ADGRV1: variants seen among roughly 807,000 people sequenced by gnomAD.
ADGRV1 encodes adhesion G protein-coupled receptor V1.
ADGRV1 carries 359 observed loss-of-function variants against 596.2 expected under a neutral mutation model. That is an observed-to-expected ratio of 0.60 (90% CI 0.55 to 0.66). The LOEUF (loss-of-function observed/expected upper bound fraction) is 0.66, where lower values mean the gene tolerates loss of function less well. ADGRV1 is among the 30% of genes least tolerant of loss of function. The pLI is 0.00. For synonymous variants in ADGRV1, 2,681 were observed against 2,679.2 expected (o/e 1.00, Z -0.02); for missense variants, 7,274 against 7,575.6 (o/e 0.96, Z 1.48).
At chr5:90,732,165 T>A (rs1345405114) in intron 50 of ADGRV1, among the ~76,000 whole-genome samples, 2 of 152,076 alleles carry the variant, frequency 1.3e-5, no homozygotes, top group African/African-American at 4.8e-5. Flanking sequence ...CATGCCCACA[T>A]AATTAAAAAA....
chr5:91,068,741 A>G (rs1285470571), intron 85 of ADGRV1, among the ~76,000 whole-genome samples: 1 of 152,114 alleles, frequency 6.6e-6, no homozygotes, highest in Non-Finnish European at 1.5e-5. Context: ...TGCTATTCCT[A>G]TCAAACTACC....
rs75691467 is a variant in ADGRV1 at position 91,040,663 on chromosome 5, T to C, written c.18153-31784T>C. 5.8e-3 allele frequency among the ~76,000 whole-genome samples: 887 copies of C among 152,318 alleles called. 7 individuals carry two copies. Among genetic ancestry groups the C allele is most frequent in the African/African-American group, 0.021 (857 of 41,562 alleles). On this transcript the variant is annotated intron_variant, in intron 85 of 89. Coordinates refer to ENST00000405460, the MANE Select transcript of ADGRV1 (RefSeq NM_032119.4). ...GTGTTTTCAGTGAATAGAAGCTAGA[T>C]GTGCTAAGTAAAAGATGATGACAAC... is the stretch of plus-strand genomic sequence containing the variant.
At chr5:90,578,856 A>G (rs1757587176) in intron 1 of ADGRV1, among the ~76,000 whole-genome samples, 1 of 152,036 alleles carries the variant, frequency 6.6e-6, no homozygotes, top group South Asian at 2.1e-4. Flanking sequence ...GTATGTGTCC[A>G]GGAATTTATC....
intron 87 of ADGRV1, among the ~76,000 whole-genome samples, chr5:91,122,822 G>C (rs1793439874): frequency 6.6e-6 from 1 of 152,160 alleles, no homozygotes; most frequent in Admixed American, 6.5e-5. Flanking sequence ...TCTCTAGCTT[G>C]TGTTCTTTTG....
At chr5:90,671,670 A>G (rs1772483343) in intron 21 of ADGRV1, among the ~76,000 whole-genome samples, 4 of 152,240 alleles carry the variant, frequency 2.6e-5, no homozygotes, top group Admixed American at 2.6e-4. Context: ...TATGAAAAAT[A>G]CAGATGGCAT....
chr5:90,845,040 TG>T (rs1765744933), intron 78 of ADGRV1, among the ~76,000 whole-genome samples: 1 of 152,224 alleles, frequency 6.6e-6, no homozygotes, highest in Non-Finnish European at 1.5e-5. Flanking sequence ...TTTTACTGGC[TG>T]GTTTTGTATT....
intron 85 of ADGRV1, among the ~76,000 whole-genome samples, chr5:91,011,397 G>T (rs966552372): frequency 2.0e-5 from 3 of 151,970 alleles, no homozygotes; most frequent in Admixed American, 6.6e-5. Flanking sequence ...TCACAGTTGT[G>T]TGTCTGTTTC....
chr5:91,137,674 T>G (rs1261736511), intron 87 of ADGRV1, among the ~76,000 whole-genome samples: 1 of 152,202 alleles, frequency 6.6e-6, no homozygotes, highest in African/African-American at 2.4e-5. Context: ...ATCTTCCACT[T>G]TACTGTTTTC....
intron 1 of ADGRV1, among the ~76,000 whole-genome samples, chr5:90,590,126 C>A (rs370829620): frequency 1.3e-5 from 2 of 152,014 alleles, no homozygotes; most frequent in Admixed American, 1.3e-4. Flanking sequence ...TGTTGTATTT[C>A]ATTTGAGGAA....
chr5:90,626,689 CAG>C (rs1232633042), intron 6 of ADGRV1: 2 of 152,112 alleles, frequency 1.3e-5, no homozygotes, highest in African/African-American at 4.8e-5. Context: ...GCTTTTTCTC[CAG>C]AGAGGCATGA....
At chr5:91,040,462 G>T (rs1395389480) in intron 85 of ADGRV1, among the ~76,000 whole-genome samples, 1 of 152,090 alleles carries the variant, frequency 6.6e-6, no homozygotes, top group Non-Finnish European at 1.5e-5. Flanking sequence ...GGAGCATAAT[G>T]GTCTCTAAAA....
intron 83 of ADGRV1, among the ~76,000 whole-genome samples, chr5:90,911,397 C>G (rs541416808): frequency 6.6e-6 from 1 of 152,202 alleles, no homozygotes; most frequent in East Asian, 1.9e-4. Flanking sequence ...CACACTGATC[C>G]AGACCTCATG....
At position 91,100,394 on chromosome 5, in the gene ADGRV1, A is replaced by C. The variant is rs1010974876; in HGVS notation, c.18311-1825A>C. On this transcript the variant is annotated intron_variant, in intron 86 of 89. Transcript: ENST00000405460. The stretch of plus-strand genomic sequence containing the variant: ...AGCTGTGACAACACCACCACACTCC[A>C]GTCTGGGCAATGGAGAAAGACTTTG... Among the ~76,000 whole-genome samples, 68 of 152,208 alleles carry C rather than the reference A, an allele frequency of 4.5e-4. 2 individuals carry two copies. The Middle Eastern group carries it at 0.01, about 23-fold the overall frequency.
At chr5:91,104,954 C>T (rs1791726836) in intron 87 of ADGRV1, among the ~76,000 whole-genome samples, 1 of 149,650 alleles carries the variant, frequency 6.7e-6, no homozygotes, top group African/African-American at 2.5e-5. Context: ...CCACTTCAGG[C>T]TCAAGTGATC....
intron 42 of ADGRV1, among the ~76,000 whole-genome samples, chr5:90,713,908 C>A (rs1012439118): frequency 6.6e-6 from 1 of 152,118 alleles, no homozygotes; most frequent in Non-Finnish European, 1.5e-5. Context: ...TTCCTCAGAG[C>A]AAAAAGTGCT....
chr5:91,023,140 A>G (rs750250029), intron 85 of ADGRV1, among the ~76,000 whole-genome samples: 12 of 152,204 alleles, frequency 7.9e-5, no homozygotes, highest in Non-Finnish European at 1.5e-5. Flanking sequence ...ATGCTTAAAC[A>G]GAAACCTTTC....
intron 85 of ADGRV1, among the ~76,000 whole-genome samples, chr5:91,071,767 C>T (rs1048314948): frequency 7.9e-5 from 12 of 151,882 alleles, no homozygotes; most frequent in African/African-American, 2.4e-4. Flanking sequence ...CTCTGCCTCC[C>T]GGTTTCAAGC....
intron 70 of ADGRV1, among the ~76,000 whole-genome samples, chr5:90,794,937 T>A (rs1238240268): frequency 6.6e-6 from 1 of 151,930 alleles, no homozygotes; most frequent in Non-Finnish European, 1.5e-5. Context: ...TGAAGAACCA[T>A]GCATTCTGGC....
chr5:90,634,818 A>T (rs931711994), intron 9 of ADGRV1, among the ~76,000 whole-genome samples: 1 of 151,826 alleles, frequency 6.6e-6, no homozygotes, highest in Admixed American at 6.6e-5. Context: ...GTTAGTTATA[A>T]TGATTTGGAA....
Sources: allele counts gnomAD v4.1 joint callset (sites outside exome capture counted in the v4.1 genomes callset), GRCh38; gene constraint gnomAD v4.1.1; transcripts MANE v1.5; gene names NCBI Gene and HGNC (gene_info 2026-07-23, HGNC 2026-07-21).